Variants in HPS4 observed in about 807,000 individuals in gnomAD.
HPS4 encodes the protein BLOC-3 complex member HPS4.
In HPS4, 44 loss-of-function variants were observed where a neutral mutation model predicts 70.3. That is an observed-to-expected ratio of 0.63 (90% CI 0.49 to 0.80). The LOEUF is 0.80. HPS4 is among the 30% of genes least tolerant of loss of function. HPS4 has a pLI of 0.00. For missense variants in HPS4, 873 were observed against 884.4 expected (o/e 0.99, Z 0.16); for synonymous variants, 377 against 355.9 (o/e 1.06, Z -0.67).
chr22:26,465,587 C>G (rs757908163), intron 9 of HPS4, 36 bp from the exon 10 acceptor site: 2 of 1,561,558 alleles, frequency 1.3e-6, no homozygotes, highest in Non-Finnish European at 1.8e-6. Context: ...GGACTTTCCC[C>G]TGAGCCAGAG....
intron 4 of HPS4, among the ~76,000 whole-genome samples, chr22:26,474,639 T>C (rs929209452): frequency 1.1e-4 from 17 of 151,918 alleles, no homozygotes; most frequent in Admixed American, 1.0e-3. Flanking sequence ...AACAAGAAAA[T>C]TAACAGGCAT....
rs1036340470 is a variant in HPS4, at chr22:26,477,236, T to C, written c.133-100A>G. On this transcript the variant is annotated intron_variant, in intron 3 of 13. Coordinates refer to ENST00000398145, the MANE Select transcript of HPS4 (RefSeq NM_022081.6). ...AAGCCTGCAAGCCAAATCCAGTCTG[T>C]TACCCGTTTTCCTATGGCCTGTAAG... 5 of 1,273,830 alleles carry C rather than the reference T, an allele frequency of 3.9e-6. No individual in the cohort carries two copies. In the African/African-American group the frequency reaches 7.3e-5, roughly 19 times the overall value. 78.9% of individuals were successfully genotyped at this position (1,273,830 alleles called of 1,614,324 possible). A position where few individuals can be genotyped will look rare whatever the true frequency, so the allele number is the denominator to read the frequency against.
intron 13 of HPS4, among the ~76,000 whole-genome samples, chr22:26,456,628 C>T (rs1242494205): frequency 1.3e-5 from 2 of 152,212 alleles, no homozygotes; most frequent in Non-Finnish European, 2.9e-5. Flanking sequence ...CCCTGCACTC[C>T]AGCCTGGCGA....
chr22:26,470,103 T>C (rs1455935421), intron 7 of HPS4, among the ~76,000 whole-genome samples: 2 of 152,226 alleles, frequency 1.3e-5, no homozygotes, highest in African/African-American at 2.4e-5. Context: ...CACAGCGCAA[T>C]GGCCCTGCCT....
downstream of HPS4, among the ~76,000 whole-genome samples, chr22:26,450,747 T>A (rs992521398): frequency 6.6e-6 from 1 of 152,170 alleles, no homozygotes; most frequent in African/African-American, 2.4e-5. Context: ...TATAAGGGGC[T>A]TTTCCCCCCT....
At chr22:26,471,487 T>C in intron 6 of HPS4, 1 of 443,054 alleles carries the variant, frequency 2.3e-6, no homozygotes, top group Non-Finnish European at 4.5e-6. Flanking sequence ...CCAGCAAGTA[T>C]CCACCAGCTG....
At chr22:26,448,176 C>A (rs540207917), downstream of HPS4, among the ~76,000 whole-genome samples, 84 of 152,334 alleles carry the variant, frequency 5.5e-4, 2 homozygotes, top group Non-Finnish European at 8.7e-4. Context: ...CCTCCGGCCC[C>A]CAGGTCCTTC....
In HPS4 at chr22:26,472,313, C is replaced by G; in HGVS notation, c.490G>C (p.Asp164His). The change falls in exon 6 of 14, where the codon GAC (aspartate) becomes CAC (histidine). Residue 164 changes from aspartate (D) to histidine (H), a missense_variant. Asp to His is a moderately conservative substitution (Grantham distance 81, BLOSUM62 -1). Coordinates refer to ENST00000398145, the MANE Select transcript of HPS4 (RefSeq NM_022081.6). ...GATGAAAATGTTACTTTAGTTTGGT[C>G]CAAGTTCCAGAGGGAATTGAAAATC... ...HKIFNSLWNL[D>H]QTKVEPLLLL... The G allele has an allele frequency of 1.9e-6, 3 of 1,603,252 alleles. No homozygotes were observed. Among genetic ancestry groups the G allele is most frequent in the Non-Finnish European group, 2.6e-6 (3 of 1,170,104 alleles).
chr22:26,481,278 T>C (rs941877702), intron 2 of HPS4, among the ~76,000 whole-genome samples: 3 of 152,128 alleles, frequency 2.0e-5, no homozygotes, highest in African/African-American at 7.2e-5. Context: ...AACCTAATTA[T>C]GGGAAAGGAT....
chr22:26,456,033 A>G (rs1401609678), intron 13 of HPS4, among the ~76,000 whole-genome samples: 1 of 152,218 alleles, frequency 6.6e-6, no homozygotes, highest in African/African-American at 2.4e-5. Context: ...TTAAAGCCAG[A>G]GAAGACACAT....
chr22:26,469,275 C>T (rs2089330969), intron 7 of HPS4, among the ~76,000 whole-genome samples: 1 of 86,198 alleles, frequency 1.2e-5, no homozygotes, highest in Admixed American at 1.5e-4. Flanking sequence ...AGTGAGATCC[C>T]ATCTCTACAA....
chr22:26,468,700 C>T lies in HPS4; in HGVS notation c.597-77G>A, dbSNP rs1202189344. The T allele has an allele frequency of 1.7e-5, 22 of 1,326,666 alleles. No homozygotes were observed. In the Admixed American group the frequency reaches 3.7e-4, roughly 22 times the overall value. 82.2% of individuals were successfully genotyped at this position (1,326,666 alleles called of 1,614,324 possible). A position where few individuals can be genotyped will look rare whatever the true frequency, so the allele number is the denominator to read the frequency against. On this transcript the variant is annotated intron_variant, in intron 7 of 13. Coordinates refer to ENST00000398145, the MANE Select transcript of HPS4 (RefSeq NM_022081.6). ...CACTCCAAATTTTAAAGATGCCTAA[C>T]AGCCCGTGTTGACGAGGATCTTGGG... is the stretch of plus-strand genomic sequence containing the variant.
chr22:26,470,417 C>T (rs1261606113), intron 7 of HPS4, among the ~76,000 whole-genome samples: 5 of 152,168 alleles, frequency 3.3e-5, no homozygotes, highest in African/African-American at 1.2e-4. Flanking sequence ...TGGCAACGCT[C>T]GGGACTCTGC....
intron 13 of HPS4, among the ~76,000 whole-genome samples, chr22:26,456,976 A>T (rs1032447318): frequency 6.6e-6 from 1 of 152,220 alleles, no homozygotes; most frequent in African/African-American, 2.4e-5. Context: ...GTGAAAAAAG[A>T]CAACTGTAAA....
At chr22:26,447,628 A>C (rs2084998485), downstream of HPS4, among the ~76,000 whole-genome samples, 1 of 152,120 alleles carries the variant, frequency 6.6e-6, no homozygotes, top group African/African-American at 2.4e-5. Context: ...TGCTGCCAGC[A>C]ACCTTCCATA....
chr22:26,465,892 C>A, intron 9 of HPS4: 1 of 591,836 alleles, frequency 1.7e-6, no homozygotes, highest in Admixed American at 2.8e-5. Context: ...CTCCTGAGGA[C>A]GCCTCCACAT....
chr22:26,476,953 C>CA, intron 4 of HPS4, 40 bp downstream of exon 4: 1 of 1,609,448 alleles, frequency 6.2e-7, no homozygotes, highest in Middle Eastern at 1.7e-4. Context: ...CTAAACTTAT[C>CA]ATTGCAACAC....
rs113180135 is a variant in HPS4, at chr22:26,480,237, T to C, written c.42-882A>G. Among the ~76,000 whole-genome samples the C allele has an allele frequency of 8.4e-3, 1,280 of 152,316 alleles. 8 individuals carry two copies. The highest frequency in any genetic ancestry group is 0.017 in the Middle Eastern group (5 of 294). ...TGTAGGCTGGAGTGCAGTGGTGCGA[T>C]TGCGGTTCAGTGCAAACTCAATCTC... On this transcript the variant is annotated intron_variant, in intron 2 of 13. Coordinates refer to ENST00000398145, the MANE Select transcript of HPS4 (RefSeq NM_022081.6).
At chr22:26,473,674 C>T (rs2090144766) in intron 4 of HPS4, among the ~76,000 whole-genome samples, 1 of 151,744 alleles carries the variant, frequency 6.6e-6, no homozygotes, top group Admixed American at 6.6e-5. Flanking sequence ...ACCTGGGAGG[C>T]AGAGGTTGCA....
Sources: allele counts gnomAD v4.1 joint callset (sites outside exome capture counted in the v4.1 genomes callset), GRCh38; gene constraint gnomAD v4.1.1; transcripts MANE v1.5; gene names NCBI Gene and HGNC (gene_info 2026-07-23, HGNC 2026-07-21).